The following ROR1 variants were observed in gnomAD, a reference collection of about 807,000 sequenced individuals.
The protein encoded by ROR1 is ROR family WNT receptor 1.
A neutral mutation model predicts 78.8 loss-of-function variants in ROR1; 19 were observed. The observed-to-expected ratio is 0.24, with a 90% confidence interval of 0.17 to 0.35. The LOEUF (loss-of-function observed/expected upper bound fraction) is 0.35, where lower values mean the gene tolerates loss of function less well. Ranked by LOEUF, ROR1 falls within the 10% of genes least tolerant of loss-of-function variation. The pLI, the probability that ROR1 is intolerant of heterozygous loss-of-function variation, is 1.00. For missense variants in ROR1, 917 were observed against 1,177.8 expected, an observed-to-expected ratio of 0.78 and a Z score of 3.24; for synonymous variants, 386 against 433.6, an observed-to-expected ratio of 0.89 and a Z score of 1.36.
At chr1:63,924,541 C>A (rs1478108716) in intron 1 of ROR1, among the ~76,000 whole-genome samples, 2 of 152,028 alleles carry the variant, frequency 1.3e-5, no homozygotes, top group African/African-American at 4.8e-5. Flanking sequence ...GGTGAGAGAC[C>A]ATCTCATACA....
chr1:64,011,458 A>G (rs1389893361), intron 2 of ROR1, among the ~76,000 whole-genome samples: 1 of 152,182 alleles, frequency 6.6e-6, no homozygotes, highest in Non-Finnish European at 1.5e-5. Flanking sequence ...CATGTTATTG[A>G]TCAGATTCCA....
chr1:63,946,476 C>T (rs1246872505), intron 1 of ROR1, among the ~76,000 whole-genome samples: 1 of 152,100 alleles, frequency 6.6e-6, no homozygotes, highest in Non-Finnish European at 1.5e-5. Flanking sequence ...TTGTGGTGTA[C>T]AACATATGTT....
At chr1:64,038,246 C>T (rs1004256308) in intron 2 of ROR1, among the ~76,000 whole-genome samples, 3 of 152,100 alleles carry the variant, frequency 2.0e-5, no homozygotes, top group East Asian at 1.9e-4. Context: ...GGGGTTTCTC[C>T]GCCTCTCCAC....
intron 7 of ROR1, among the ~76,000 whole-genome samples, chr1:64,152,101 A>AATTT (rs1649644538): frequency 6.6e-6 from 1 of 152,198 alleles, no homozygotes; most frequent in Non-Finnish European, 1.5e-5. Context: ...CAAAACTCGT[A>AATTT]TGCAAAATCT....
intron 1 of ROR1, among the ~76,000 whole-genome samples, chr1:63,916,761 T>C (rs1026190503): frequency 6.6e-6 from 1 of 152,176 alleles, no homozygotes; most frequent in African/African-American, 2.4e-5. Flanking sequence ...AGTGAGACAG[T>C]GGCCCAGGGT....
intron 4 of ROR1, among the ~76,000 whole-genome samples, chr1:64,096,031 G>A (rs1647289795): frequency 7.2e-6 from 1 of 138,774 alleles, no homozygotes; most frequent in African/African-American, 2.9e-5. Flanking sequence ...GGAACAAAGG[G>A]TTTGTAAAAT....
intron 5 of ROR1, among the ~76,000 whole-genome samples, chr1:64,139,014 A>G (rs1229998276): frequency 6.6e-6 from 1 of 151,858 alleles, no homozygotes; most frequent in Non-Finnish European, 1.5e-5. Context: ...AAACAATACA[A>G]ATATCAGCTG....
At chr1:64,114,628 G>T (rs1648244711) in intron 4 of ROR1, among the ~76,000 whole-genome samples, 1 of 152,114 alleles carries the variant, frequency 6.6e-6, no homozygotes, top group African/African-American at 2.4e-5. Context: ...CAACTGAGAA[G>T]TTGTTTAGGT....
rs1557582690 is a variant in ROR1 at position 63,958,372 on chromosome 1, CG to C, written c.92-50932del. On this transcript the variant is annotated intron_variant, in intron 1 of 8. Coordinates refer to ENST00000371079, the MANE Select transcript of ROR1 (RefSeq NM_005012.4). ...AATCCTTTGCTTAACAATTTGACAA[CG>C]AGAACATAGGATTATGGTTTCGGGG... Among the ~76,000 whole-genome samples, 47 of 152,030 alleles carry C rather than the reference CG, an allele frequency of 3.1e-4. 1 individual carries two copies. Among genetic ancestry groups the C allele is most frequent in the African/African-American group, 1.1e-3 (46 of 41,376 alleles).
intron 1 of ROR1, among the ~76,000 whole-genome samples, chr1:63,985,843 ATTGT>A (rs1646246427): frequency 2.0e-5 from 3 of 152,128 alleles, no homozygotes; most frequent in Admixed American, 6.6e-5. Flanking sequence ...AAGATATCTC[ATTGT>A]TTGTATGCAA....
rs373420685 is a variant in ROR1, at chr1:63,865,291, G to C, written c.91+90783G>C. On this transcript the variant is annotated intron_variant, in intron 1 of 8. Coordinates refer to ENST00000371079, the MANE Select transcript of ROR1 (RefSeq NM_005012.4). Reference sequence around the variant, plus strand: ...ATCACAGTGGTCCCAGTGTTAGAGAGATGATAAAATTCTATTACAAAGTAG... The same window carrying C: ...ATCACAGTGGTCCCAGTGTTAGAGACATGATAAAATTCTATTACAAAGTAG... 1.1e-4 allele frequency among the ~76,000 whole-genome samples: 16 copies of C among 152,288 alleles called. No individual in the cohort carries two copies. The East Asian group carries it at 2.5e-3, about 24-fold the overall frequency.
chr1:63,855,873 G>C (rs1423215155), intron 1 of ROR1, among the ~76,000 whole-genome samples: 1 of 151,648 alleles, frequency 6.6e-6, no homozygotes, highest in African/African-American at 2.4e-5. Context: ...CGGCCAGGAT[G>C]GTCTTGATCT....
At position 64,159,087 on chromosome 1, in the gene ROR1, C is replaced by G; in HGVS notation, c.1281C>G (p.Val427=). ...AIALLFFFIC[V]CRNNQKSSSA... ...CTTTACTCTTCTTCTTCATTTGCGTCTGTCGGAATAACCAGAAGTCATCGT... is the reference window on the plus strand; with the variant it reads ...CTTTACTCTTCTTCTTCATTTGCGTGTGTCGGAATAACCAGAAGTCATCGT... The change falls in exon 8 of 9, where the codon GTC becomes GTG. Residue 427 remains valine (V), a synonymous_variant. Transcript: ENST00000371079. 6.2e-7 allele frequency: 1 copy of G among 1,614,150 alleles called. No individual in the cohort carries two copies. The highest frequency in any genetic ancestry group is 8.5e-7 in the Non-Finnish European group (1 of 1,180,018).
intron 1 of ROR1, among the ~76,000 whole-genome samples, chr1:63,804,206 T>C (rs1357274146): frequency 1.3e-5 from 2 of 152,050 alleles, no homozygotes; most frequent in Non-Finnish European, 2.9e-5. Flanking sequence ...AGTCCTGTAT[T>C]GTAATTGTAA....
At chr1:64,091,912 A>T (rs1175655465) in intron 4 of ROR1, among the ~76,000 whole-genome samples, 1 of 152,182 alleles carries the variant, frequency 6.6e-6, no homozygotes, top group African/African-American at 2.4e-5. Flanking sequence ...AGATCAAGGG[A>T]TGGATGGGGC....
chr1:64,154,610 A>G (rs1388910271), intron 7 of ROR1, among the ~76,000 whole-genome samples: 2 of 152,332 alleles, frequency 1.3e-5, no homozygotes, highest in East Asian at 1.9e-4. Context: ...TTTCTCCATT[A>G]TATTTAATTA....
intron 1 of ROR1, among the ~76,000 whole-genome samples, chr1:63,929,663 A>T (rs1208845122): frequency 6.6e-6 from 1 of 152,190 alleles, no homozygotes; most frequent in Non-Finnish European, 1.5e-5. Context: ...GGTAAATAAT[A>T]ATAGCTAACA....
intron 1 of ROR1, among the ~76,000 whole-genome samples, chr1:63,865,834 T>C (rs1262843870): frequency 6.6e-6 from 1 of 152,184 alleles, no homozygotes; most frequent in Non-Finnish European, 1.5e-5. Context: ...TTTTGCTCAG[T>C]AGATTAACAA....
chr1:63,911,442 G>A (rs1233100132), intron 1 of ROR1, among the ~76,000 whole-genome samples: 1 of 152,090 alleles, frequency 6.6e-6, no homozygotes, highest in Admixed American at 6.5e-5. Context: ...CCTGCCTCCT[G>A]TCAGATCAGC....
Sources: allele counts gnomAD v4.1 joint callset (sites outside exome capture counted in the v4.1 genomes callset), GRCh38; gene constraint gnomAD v4.1.1; transcripts MANE v1.5; gene names NCBI Gene and HGNC (gene_info 2026-07-23, HGNC 2026-07-21).